The following RNF212 variants were observed in gnomAD, a reference collection of about 807,000 sequenced individuals.
RNF212 encodes ring finger protein 212.
In RNF212, 33 loss-of-function variants were observed where a neutral mutation model predicts 34.7. That is an observed-to-expected ratio of 0.95 (90% confidence interval 0.72 to 1.27). The LOEUF is 1.27. RNF212 is among the 50% of genes most tolerant of loss of function. RNF212 has a pLI of 0.00. For synonymous variants in RNF212, 140 were observed against 136.1 expected, an observed-to-expected ratio of 1.03 and a Z score of -0.20; for missense variants, 377 against 362.2, an observed-to-expected ratio of 1.04 and a Z score of -0.33.
intron 3 of RNF212, among the ~76,000 whole-genome samples, chr4:1,091,934 C>T (rs1722250991): frequency 6.6e-6 from 1 of 152,234 alleles, no homozygotes; most frequent in African/African-American, 2.4e-5. Context: ...GACAGAAGGA[C>T]TCCGCAGGTT....
At chr4:1,093,505 C>G in intron 3 of RNF212, 1 of 1,435,186 alleles carries the variant, frequency 7.0e-7, no homozygotes, top group Non-Finnish European at 9.1e-7. Context: ...AACTGACAAA[C>G]AGTGGGGCCA....
Position 1,072,990 on chromosome 4 carries a change from G to C in RNF212, c.778C>G (p.Gln260Glu). 1 of 1,614,190 alleles carries C rather than the reference G, an allele frequency of 6.2e-7. No homozygotes were observed. Among genetic ancestry groups the C allele is most frequent in the Non-Finnish European group, 8.5e-7 (1 of 1,180,034 alleles). ...SKTLPIYAEV[Q>E]RAVLFPFQQA... Reference sequence around the variant, plus strand: ...TGGAACGGAAACAAGACGGCCCTTTGTACCTCAGCATATATTGGAAGTGTT... The same window carrying C: ...TGGAACGGAAACAAGACGGCCCTTTCTACCTCAGCATATATTGGAAGTGTT... The change falls in exon 10 of 10, where the codon CAA becomes GAA. Residue 260 changes from glutamine (Q) to glutamate (E), a missense_variant. Gln to Glu is a conservative substitution (Grantham distance 29, BLOSUM62 2). Coordinates refer to ENST00000433731, the MANE Select transcript of RNF212 (RefSeq NM_001131034.4).
chr4:1,105,867 T>C (rs1724736693), intron 2 of RNF212, among the ~76,000 whole-genome samples: 1 of 152,156 alleles, frequency 6.6e-6, no homozygotes, highest in South Asian at 2.1e-4. Flanking sequence ...GGGAGGACAT[T>C]CCAGTCAGAG....
At chr4:1,064,654 T>C (rs1350990020) in intron 3 of RNF212, among the ~76,000 whole-genome samples, 1 of 152,200 alleles carries the variant, frequency 6.6e-6, no homozygotes, top group Non-Finnish European at 1.5e-5. Context: ...TTTATGATGA[T>C]ACAGTTTCCT....
intron 2 of RNF212, among the ~76,000 whole-genome samples, chr4:1,100,539 T>C (rs963652864): frequency 3.3e-5 from 5 of 151,622 alleles, no homozygotes; most frequent in African/African-American, 1.2e-4. Context: ...TCCCAAGTAA[T>C]TGGGATTACA....
intron 3 of RNF212, among the ~76,000 whole-genome samples, chr4:1,063,838 C>A (rs1458992367): frequency 6.6e-6 from 1 of 151,002 alleles, no homozygotes; most frequent in East Asian, 1.9e-4. Context: ...CAAGACACTG[C>A]ACTCCAGCCT....
chr4:1,080,658 C>T (rs1720189189), intron 7 of RNF212, among the ~76,000 whole-genome samples: 1 of 151,830 alleles, frequency 6.6e-6, no homozygotes, highest in Non-Finnish European at 1.5e-5. Context: ...GCCCTGAGCC[C>T]CAATAAAGGT....
intron 3 of RNF212, among the ~76,000 whole-genome samples, chr4:1,061,996 G>A (rs1223885144): frequency 6.6e-6 from 1 of 152,196 alleles, no homozygotes; most frequent in Admixed American, 6.5e-5. Context: ...GGACTCCAGA[G>A]CGGCTACCGT....
rs1223926124 is a variant in RNF212, at chr4:1,064,845, CT to C, written n.148-6453del. Among the ~76,000 whole-genome samples the C allele has an allele frequency of 1.6e-4, 24 of 152,334 alleles. No homozygotes were observed. The Middle Eastern group carries it at 0.01, about 65-fold the overall frequency. On this transcript the variant is annotated intron_variant and non_coding_transcript_variant, in intron 3 of 4. Coordinates refer to the RNF212 transcript ENST00000503206. ...ACAGCCGCTGGCAGCCACCATCCTA[CT>C]TTCCGTCTCTACGATCTTGACTACT... is the stretch of plus-strand genomic sequence containing the variant.
At chr4:1,080,273 C>T (rs1720117764) in intron 7 of RNF212, among the ~76,000 whole-genome samples, 1 of 152,178 alleles carries the variant, frequency 6.6e-6, no homozygotes, top group African/African-American at 2.4e-5. Flanking sequence ...CAGCAAGAGT[C>T]CCAGGGGTGA....
Position 1,113,552 on chromosome 4 carries a change from C to T in RNF212, c.-88G>A. On this transcript the variant is annotated 5_prime_UTR_variant, in exon 1 of 10. Coordinates refer to ENST00000433731, the MANE Select transcript of RNF212 (RefSeq NM_001131034.4). ...AGCCTCCCCGCGCAGGGCCCGAAGG[C>T]GGGCAGCTCTGCGCCTGCGCAAAGT... The T allele has an allele frequency of 2.7e-6, 3 of 1,113,294 alleles. No homozygotes were observed. The highest frequency in any genetic ancestry group is 2.3e-5 in the Admixed American group (1 of 43,708). The allele number at this position is 1,113,294 out of a possible 1,614,324, so 69.0% of individuals were successfully genotyped here.
intron 8 of RNF212, among the ~76,000 whole-genome samples, chr4:1,079,307 T>C (rs1349055904): frequency 3.3e-5 from 5 of 149,456 alleles, no homozygotes; most frequent in South Asian, 2.2e-4. Flanking sequence ...GGGACCAACA[T>C]AGATTCAACA....
rs1577800019 is a variant in RNF212 at position 1,101,212 on chromosome 4, C to T, written c.172-4373G>A. 5.5e-5 allele frequency: 15 copies of T among 273,464 alleles called. 1 individual carries two copies. Among genetic ancestry groups the T allele is most frequent in the South Asian group, 3.8e-4 (8 of 20,992 alleles). The allele number at this position is 273,464 out of a possible 1,614,324, so 16.9% of individuals were successfully genotyped here. A position where few individuals can be genotyped will look rare whatever the true frequency, so the allele number is the denominator to read the frequency against. Reference sequence around the variant, plus strand: ...CGACTGGCACTCACAGTGCAGTAGCCGTGGTGGCATCTCTACACACCCCAT... The same window carrying T: ...CGACTGGCACTCACAGTGCAGTAGCTGTGGTGGCATCTCTACACACCCCAT... On this transcript the variant is annotated intron_variant, in intron 2 of 9. Transcript: ENST00000433731.
intron 3 of RNF212, chr4:1,093,879 G>C: frequency 6.5e-7 from 1 of 1,536,266 alleles, no homozygotes. Context: ...CTGGGTGCCC[G>C]TGTTGTGCTG....
Position 1,064,542 on chromosome 4 carries a change from C to A in RNF212, n.148-6149G>T, listed in dbSNP as rs1717961692. Among the ~76,000 whole-genome samples, 6 of 151,870 alleles carry A rather than the reference C, an allele frequency of 4.0e-5. No homozygotes were observed. In the South Asian group the frequency reaches 1.0e-3, roughly 26 times the overall value. On this transcript the variant is annotated intron_variant and non_coding_transcript_variant, in intron 3 of 4. Transcript: ENST00000503206. ...AGATGCTGGCTGATGGGGGTCCTGG[C>A]TTGCAGACAGCAGCCTTCTCACTCT...
chr4:1,069,783 A>C (rs1339184050), downstream of RNF212, among the ~76,000 whole-genome samples: 1 of 152,250 alleles, frequency 6.6e-6, no homozygotes, highest in Admixed American at 6.5e-5. Flanking sequence ...TGAGGCCTTT[A>C]TTCTTCGGAA....
intron 3 of RNF212, among the ~76,000 whole-genome samples, chr4:1,066,021 G>A (rs6850784): frequency 0.8 from 119,398 of 149,532 alleles, 48,256 homozygotes; most frequent in African/African-American, 0.89. Context: ...CTACAGGTGC[G>A]ATTTTTTAAA....
In RNF212 at chr4:1,079,625, C is replaced by A. The variant is rs1349794401; in HGVS notation, c.510+18G>T. The stretch of plus-strand genomic sequence containing the variant: ...ACGTCTGGTATACAGAGGAACTCAG[C>A]AGGAGAGATGCACTTACTTTTCTAA... On this transcript the variant is annotated intron_variant, in intron 8 of 9. Transcript: ENST00000433731. 1 of 1,570,828 alleles carries A rather than the reference C, an allele frequency of 6.4e-7. No individual in the cohort carries two copies. The highest frequency in any genetic ancestry group is 1.7e-4 in the Middle Eastern group (1 of 5,964).
At chr4:1,100,042 A>G in intron 2 of RNF212, 1 of 378,862 alleles carries the variant, frequency 2.6e-6, no homozygotes, top group Admixed American at 3.1e-5. Context: ...AAACACACAG[A>G]TTGTACTGGC....
Sources: allele counts gnomAD v4.1 joint callset (sites outside exome capture counted in the v4.1 genomes callset), GRCh38; gene constraint gnomAD v4.1.1; transcripts MANE v1.5; gene names NCBI Gene and HGNC (gene_info 2026-07-23, HGNC 2026-07-21).